RCL1: variants seen among roughly 807,000 people sequenced by gnomAD.
RCL1 encodes the protein RNA 3'-terminal phosphate cyclase-like protein.
In RCL1, 24 loss-of-function variants were observed where a neutral mutation model predicts 42.4. The observed-to-expected ratio is 0.57, with a 90% CI of 0.41 to 0.80. The LOEUF (loss-of-function observed/expected upper bound fraction) is 0.80. Among genes scored for constraint, RCL1 ranks in the 30% least tolerant of loss-of-function variants. The pLI is 0.00. For synonymous variants in RCL1, 228 were observed against 177.3 expected, an observed-to-expected ratio of 1.29 and a Z score of -2.27; for missense variants, 578 against 467.9, an observed-to-expected ratio of 1.24 and a Z score of -2.17.
chr9:4,858,619 A>G (rs886068235), intron 8 of RCL1, among the ~76,000 whole-genome samples: 24 of 152,160 alleles, frequency 1.6e-4, no homozygotes, highest in Admixed American at 1.3e-3. Flanking sequence ...TGCAATGATT[A>G]TGCTTTCCTC....
At chr9:4,807,082 A>G (rs778656799) in intron 1 of RCL1, among the ~76,000 whole-genome samples, 4 of 152,034 alleles carry the variant, frequency 2.6e-5, no homozygotes, top group African/African-American at 7.2e-5. Flanking sequence ...ATCTGTAGTG[A>G]TATCTCCTGT....
intron 1 of RCL1, among the ~76,000 whole-genome samples, chr9:4,813,664 T>C (rs1031517487): frequency 6.6e-6 from 1 of 152,164 alleles, no homozygotes; most frequent in African/African-American, 2.4e-5. Flanking sequence ...GAAATACCAT[T>C]TGACCCAGCC....
chr9:4,813,367 AG>A (rs1816250159), intron 1 of RCL1, among the ~76,000 whole-genome samples: 1 of 152,254 alleles, frequency 6.6e-6, no homozygotes, highest in African/African-American at 2.4e-5. Flanking sequence ...CCCATCAAAA[AG>A]TGGGCAAAGG....
chr9:4,802,132 C>A (rs946772216), intron 1 of RCL1, among the ~76,000 whole-genome samples: 10 of 144,238 alleles, frequency 6.9e-5, no homozygotes, highest in Non-Finnish European at 1.5e-5. Flanking sequence ...ACCATGTTGG[C>A]CAGGCTGGTC....
intron 1 of RCL1, among the ~76,000 whole-genome samples, chr9:4,811,103 C>T (rs1368699067): frequency 6.6e-6 from 1 of 151,896 alleles, no homozygotes; most frequent in Non-Finnish European, 1.5e-5. Flanking sequence ...ACATAGCAGA[C>T]CCCATCTCCA....
chr9:4,794,301 C>T (rs989380806), intron 1 of RCL1, among the ~76,000 whole-genome samples: 2 of 152,096 alleles, frequency 1.3e-5, no homozygotes, highest in Non-Finnish European at 2.9e-5. Flanking sequence ...ATGCTATTGA[C>T]GGAGATAGGT....
chr9:4,843,665 T>G (rs1029119497), intron 6 of RCL1, among the ~76,000 whole-genome samples: 2 of 152,226 alleles, frequency 1.3e-5, no homozygotes, highest in African/African-American at 4.8e-5. Flanking sequence ...AAATACACCT[T>G]AGAAAACTCA....
chr9:4,846,791 T>A (rs1817529969), intron 7 of RCL1, among the ~76,000 whole-genome samples: 1 of 152,174 alleles, frequency 6.6e-6, no homozygotes, highest in East Asian at 1.9e-4. Flanking sequence ...GAGTGTGGGG[T>A]TTATATCCCT....
Position 4,860,299 on chromosome 9 carries a change from A to G in RCL1, c.*24A>G. ...GATAACCATCACAAGATAAGGCCCCAATGCCTACAGACAAAGCAGAAGCTG... is the reference window on the plus strand; with the variant it reads ...GATAACCATCACAAGATAAGGCCCCGATGCCTACAGACAAAGCAGAAGCTG... On this transcript the variant is annotated 3_prime_UTR_variant, in exon 9 of 9. Coordinates refer to ENST00000381750, the MANE Select transcript of RCL1 (RefSeq NM_005772.5). The G allele has an allele frequency of 4.3e-6, 7 of 1,610,308 alleles. No individual in the cohort carries two copies. The highest frequency in any genetic ancestry group is 5.9e-6 in the Non-Finnish European group (7 of 1,178,586).
In RCL1 at chr9:4,860,307, C is replaced by T. The variant is rs1447317139; in HGVS notation, c.*32C>T. The T allele has an allele frequency of 6.2e-7, 1 of 1,601,616 alleles. No individual in the cohort carries two copies. The highest frequency in any genetic ancestry group is 8.5e-7 in the Non-Finnish European group (1 of 1,175,548). On this transcript the variant is annotated 3_prime_UTR_variant, in exon 9 of 9. Coordinates refer to ENST00000381750, the MANE Select transcript of RCL1 (RefSeq NM_005772.5). ...TCACAAGATAAGGCCCCAATGCCTA[C>T]AGACAAAGCAGAAGCTGCCACGGAC...
intron 1 of RCL1, among the ~76,000 whole-genome samples, chr9:4,803,498 C>G (rs1843041256): frequency 6.6e-6 from 1 of 152,156 alleles, no homozygotes; most frequent in Non-Finnish European, 1.5e-5. Context: ...TCCACAACTT[C>G]CAGTCACCTG....
chr9:4,818,621 G>A (rs140487473), intron 1 of RCL1, among the ~76,000 whole-genome samples: 103 of 152,160 alleles, frequency 6.8e-4, no homozygotes, highest in African/African-American at 2.4e-3. Context: ...GGTGGCTCAC[G>A]CCTGTAATCC....
rs1485431028 is a variant in RCL1 at position 4,826,913 on chromosome 9, C to T, written c.264C>T (p.Asp88=). The change falls in exon 3 of 9, where the codon GAC becomes GAT. Residue 88 remains aspartate, a synonymous_variant. Coordinates refer to ENST00000381750, the MANE Select transcript of RCL1 (RefSeq NM_005772.5). ...TGTATGGTGGATCTGTGGAACATGACTGTAGCGTCCTTCGTGGCATTGGGT... is the reference window on the plus strand; with the variant it reads ...TGTATGGTGGATCTGTGGAACATGATTGTAGCGTCCTTCGTGGCATTGGGT... ...GLLYGGSVEH[D]CSVLRGIGYY... is the part of the protein sequence containing the mutation. The T allele has an allele frequency of 3.7e-6, 6 of 1,613,964 alleles. No individual in the cohort carries two copies. In the Admixed American group the frequency reaches 5.0e-5, roughly 13 times the overall value.
At chr9:4,829,100 G>T (rs1333527839) in intron 3 of RCL1, among the ~76,000 whole-genome samples, 2 of 152,168 alleles carry the variant, frequency 1.3e-5, no homozygotes, top group Non-Finnish European at 2.9e-5. Flanking sequence ...TCGTGGGGTG[G>T]ACAGCTGGGA....
At position 4,823,528 on chromosome 9, in the gene RCL1, C is replaced by T. The variant is rs1472705487; in HGVS notation, c.137-20C>T. On this transcript the variant is annotated intron_variant, in intron 1 of 8. Transcript: ENST00000381750. ...GACAGTCTGTCTTCTCTTTTCTTCACAGATTTTTTTTCTTCACAGATTTTG... is the reference window on the plus strand; with the variant it reads ...GACAGTCTGTCTTCTCTTTTCTTCATAGATTTTTTTTCTTCACAGATTTTG... 6.3e-7 allele frequency: 1 copy of T among 1,595,700 alleles called. No individual in the cohort carries two copies. The highest frequency in any genetic ancestry group is 8.6e-7 in the Non-Finnish European group (1 of 1,166,880).
At chr9:4,813,947 C>G (rs1816276011) in intron 1 of RCL1, among the ~76,000 whole-genome samples, 1 of 152,040 alleles carries the variant, frequency 6.6e-6, no homozygotes, top group South Asian at 2.1e-4. Flanking sequence ...GACAGAAAAC[C>G]AAACACTGCA....
chr9:4,854,073 C>A (rs890205310), intron 8 of RCL1, among the ~76,000 whole-genome samples: 1 of 152,146 alleles, frequency 6.6e-6, no homozygotes, highest in East Asian at 1.9e-4. Context: ...TTCTGTAAAG[C>A]CCTGTCACCT....
At chr9:4,849,998 G>C (rs1312876108) in intron 8 of RCL1, among the ~76,000 whole-genome samples, 2 of 152,184 alleles carry the variant, frequency 1.3e-5, no homozygotes, top group African/African-American at 2.4e-5. Flanking sequence ...AATGCTACTG[G>C]ACTAGTAGGG....
At chr9:4,802,483 G>T (rs76234352) in intron 1 of RCL1, among the ~76,000 whole-genome samples, 8,674 of 152,152 alleles carry the variant, frequency 0.057, 449 homozygotes, top group African/African-American at 0.13. Flanking sequence ...CCATGAACAT[G>T]ATCTGTCTCT....
Sources: allele counts gnomAD v4.1 joint callset (sites outside exome capture counted in the v4.1 genomes callset), GRCh38; gene constraint gnomAD v4.1.1; transcripts MANE v1.5; gene names NCBI Gene and HGNC (gene_info 2026-07-23, HGNC 2026-07-21).